The following DPH5 variants were observed in gnomAD, a reference collection of about 807,000 sequenced individuals.
DPH5 encodes the protein diphthine methyl ester synthase.
In DPH5, 31 loss-of-function variants were observed where a neutral mutation model predicts 31.6. The observed-to-expected ratio is 0.98, with a 90% confidence interval of 0.74 to 1.32. DPH5 has a LOEUF of 1.32. Among genes scored for constraint, DPH5 ranks in the 40% most tolerant of loss-of-function variants. The pLI is 0.00. For missense variants in DPH5, 309 were observed against 335.7 expected (o/e 0.92, Z 0.62); for synonymous variants, 120 against 115.0 (o/e 1.04, Z -0.28).
intron 6 of DPH5, among the ~76,000 whole-genome samples, chr1:100,993,559 A>AATATAT (rs10527775): frequency 0.051 from 2,833 of 55,888 alleles, 242 homozygotes; most frequent in South Asian, 0.069. Flanking sequence ...CGAAAATATA[A>AATATAT]ATATATATAT....
intron 4 of DPH5, among the ~76,000 whole-genome samples, chr1:101,013,240 C>A (rs1432477061): frequency 6.6e-6 from 1 of 152,098 alleles, no homozygotes; most frequent in Non-Finnish European, 1.5e-5. Flanking sequence ...CCCTCAGAAC[C>A]AAGACTGTTG....
intron 3 of DPH5, among the ~76,000 whole-genome samples, chr1:101,020,581 C>G (rs1660374789): frequency 6.6e-6 from 1 of 151,534 alleles, no homozygotes; most frequent in African/African-American, 2.4e-5. Flanking sequence ...AGCCATTTAT[C>G]TAGGATGACC....
At chr1:101,022,737 C>T (rs1177528729) in intron 2 of DPH5, among the ~76,000 whole-genome samples, 1 of 152,138 alleles carries the variant, frequency 6.6e-6, no homozygotes, top group Non-Finnish European at 1.5e-5. Flanking sequence ...TAATATCTGT[C>T]AAACAAATGA....
At chr1:100,996,938 C>T (rs1457295107) in intron 5 of DPH5, among the ~76,000 whole-genome samples, 1 of 152,168 alleles carries the variant, frequency 6.6e-6, no homozygotes, top group Non-Finnish European at 1.5e-5. Flanking sequence ...GATGATAAAA[C>T]GATGAGAACT....
At chr1:101,012,514 C>A (rs559330374) in intron 4 of DPH5, among the ~76,000 whole-genome samples, 20 of 152,288 alleles carry the variant, frequency 1.3e-4, no homozygotes, top group African/African-American at 4.6e-4. Context: ...CATATTTTGG[C>A]ATCATTTTCT....
At chr1:100,996,410 C>T (rs938419898) in intron 5 of DPH5, 2 of 152,090 alleles carry the variant, frequency 1.3e-5, no homozygotes, top group Non-Finnish European at 2.9e-5. Context: ...GACGCAAATC[C>T]TTTTTAATCA....
At chr1:101,000,328 GA>G (rs1658760675) in intron 5 of DPH5, among the ~76,000 whole-genome samples, 1 of 152,156 alleles carries the variant, frequency 6.6e-6, no homozygotes, top group African/African-American at 2.4e-5. Context: ...ATGATCTCAG[GA>G]CCAATGCCAG....
intron 3 of DPH5, among the ~76,000 whole-genome samples, chr1:101,014,247 GA>G (rs1372405810): frequency 3.3e-5 from 5 of 152,260 alleles, no homozygotes; most frequent in Admixed American, 3.3e-4. Flanking sequence ...GCTCTATTTT[GA>G]AGACTTTGTC....
In DPH5 at chr1:101,021,669, C is replaced by T. The variant is rs752496983; in HGVS notation, c.232G>A (p.Ala78Thr). 1.2e-6 allele frequency: 2 copies of T among 1,613,554 alleles called. No individual in the cohort carries two copies. Among genetic ancestry groups the T allele is most frequent in the Non-Finnish European group, 8.5e-7 (1 of 1,179,650 alleles). ...ILKDADISDV[A>T]FLVVGDPFGA... is the part of the protein sequence containing the mutation. ...AATGGATCACCAACCACAAGGAATG[C>T]AACATCACTGATATCAGCATCCTTT... Residue 78 changes from alanine (A) to threonine (T), a missense_variant, in exon 3 of 8, where the codon GCA becomes ACA. Coordinates refer to ENST00000370109, the MANE Select transcript of DPH5 (RefSeq NM_015958.3).
Position 100,990,543 on chromosome 1 carries a change from G to C in DPH5, c.723C>G (p.Cys241Trp), listed in dbSNP as rs2101126973. Residue 241 changes from cysteine to tryptophan, a missense_variant, in exon 8 of 8, where the codon TGC becomes TGG. Physicochemically the swap from Cys to Trp is radical, Grantham distance 215 (BLOSUM62 -2). Transcript: ENST00000370109. ...GCAATGGTTCTCCCAAGTCCACAGT[G>C]CACATTTGCCTTAAAGTGCCTGCTG... ...KIAAGTLRQM[C>W]TVDLGEPLHS... 1 of 1,614,086 alleles carries C rather than the reference G, an allele frequency of 6.2e-7. No homozygotes were observed. The highest frequency in any genetic ancestry group is 2.2e-5 in the East Asian group (1 of 44,876).
intron 4 of DPH5, among the ~76,000 whole-genome samples, chr1:101,012,537 C>G (rs1379667770): frequency 6.6e-6 from 1 of 152,168 alleles, no homozygotes. Flanking sequence ...ATCCCTATAG[C>G]ATTCTTTGTA....
chr1:101,012,635 CT>C (rs1465413605), intron 4 of DPH5, among the ~76,000 whole-genome samples: 1 of 152,120 alleles, frequency 6.6e-6, no homozygotes, highest in Non-Finnish European at 1.5e-5. Context: ...GAAAAAAAGA[CT>C]TGAATGGGCA....
intron 4 of DPH5, among the ~76,000 whole-genome samples, chr1:101,012,643 G>A (rs1207098320): frequency 6.6e-6 from 1 of 152,106 alleles, no homozygotes; most frequent in Non-Finnish European, 1.5e-5. Context: ...GACTTGAATG[G>A]GCAAGGTTTT....
intron 4 of DPH5, among the ~76,000 whole-genome samples, chr1:101,002,567 A>T (rs1658953681): frequency 6.6e-6 from 1 of 152,216 alleles, no homozygotes; most frequent in South Asian, 2.1e-4. Context: ...ACAGAATACT[A>T]AAGTTGTATA....
At chr1:101,013,916 C>CT in intron 3 of DPH5, 98 bp from the exon 4 acceptor site, 9 of 865,520 alleles carry the variant, frequency 1.0e-5, no homozygotes, top group Non-Finnish European at 1.6e-5. Flanking sequence ...GAGGCAGGAG[C>CT]ACTGCCTTTC....
chr1:101,025,355 T>C lies in DPH5; in HGVS notation c.89A>G (p.Tyr30Cys), dbSNP rs1558055832. Residue 30 changes from tyrosine (Y) to cysteine (C), a missense_variant, in exon 2 of 8, where the codon TAT becomes TGT. Physicochemically the swap from Tyr to Cys is radical, Grantham distance 194. Transcript: ENST00000370109. ...TAGGACTGAGGTGTAGGCTTCCAGA[T>C]ACACTCGACTGCAGCGTCTAACAAC... ...LEVVRRCSRV[Y>C]LEAYTSVLTV... The C allele has an allele frequency of 6.2e-7, 1 of 1,614,242 alleles. No individual in the cohort carries two copies. Among genetic ancestry groups the C allele is most frequent in the Non-Finnish European group, 8.5e-7 (1 of 1,180,044 alleles).
chr1:101,001,168 G>A (rs1658836876), intron 5 of DPH5, among the ~76,000 whole-genome samples: 1 of 152,220 alleles, frequency 6.6e-6, no homozygotes, highest in Non-Finnish European at 1.5e-5. Context: ...CTATTGGATT[G>A]CAGTAAATCC....
intron 7 of DPH5, 136 bp from the exon 8 acceptor site, chr1:100,990,767 G>C: frequency 1.3e-6 from 1 of 758,610 alleles, no homozygotes; most frequent in Non-Finnish European, 2.1e-6. Context: ...TTATGGACCA[G>C]TTATCCATTA....
intron 3 of DPH5, among the ~76,000 whole-genome samples, chr1:101,014,775 T>C (rs564261708): frequency 6.6e-6 from 1 of 152,366 alleles, no homozygotes; most frequent in South Asian, 2.1e-4. Flanking sequence ...GCTAGTAATC[T>C]ATCAACTAAG....
Sources: allele counts gnomAD v4.1 joint callset (sites outside exome capture counted in the v4.1 genomes callset), GRCh38; gene constraint gnomAD v4.1.1; transcripts MANE v1.5; gene names NCBI Gene and HGNC (gene_info 2026-07-23, HGNC 2026-07-21).